The following LRP1B variants were observed in gnomAD, a reference collection of about 807,000 sequenced individuals.
LRP1B encodes LDL receptor related protein 1B, also known as low-density lipoprotein receptor-related protein 1B.
In LRP1B, 217 loss-of-function variants were observed where a neutral mutation model predicts 556.6. That is an observed-to-expected ratio of 0.39 (90% CI 0.35 to 0.44). The LOEUF is 0.44. Among genes scored for constraint, LRP1B ranks in the 20% least tolerant of loss-of-function variants. The pLI, the probability that LRP1B is intolerant of heterozygous loss-of-function variation, is 1.00. For missense variants in LRP1B, 5,053 were observed against 5,620.8 expected (o/e 0.90, Z 3.23); for synonymous variants, 2,047 against 1,865.8 (o/e 1.10, Z -2.50).
intron 21 of LRP1B, among the ~76,000 whole-genome samples, chr2:140,913,482 C>T (rs578245430): frequency 7.9e-5 from 12 of 151,858 alleles, no homozygotes; most frequent in South Asian, 4.1e-4. Context: ...GAAAATTTTA[C>T]GTAAGGAAAA....
chr2:141,209,357 A>G (rs1682444605), intron 6 of LRP1B, among the ~76,000 whole-genome samples: 1 of 152,080 alleles, frequency 6.6e-6, no homozygotes, highest in South Asian at 2.1e-4. Flanking sequence ...TGCTGCTAAC[A>G]TGTGAAGAAA....
At chr2:140,660,423 T>C (rs949353488) in intron 41 of LRP1B, among the ~76,000 whole-genome samples, 1 of 152,184 alleles carries the variant, frequency 6.6e-6, no homozygotes, top group African/African-American at 2.4e-5. Context: ...TTCACTTGCT[T>C]TATTTTCTAT....
chr2:141,463,910 C>G (rs1320828448), intron 3 of LRP1B, among the ~76,000 whole-genome samples: 3 of 148,438 alleles, frequency 2.0e-5, no homozygotes, highest in Admixed American at 6.8e-5. Flanking sequence ...CAAATTTTTT[C>G]TGATTTTGGG....
chr2:141,218,918 C>G (rs1345228421), intron 6 of LRP1B, among the ~76,000 whole-genome samples: 3 of 152,130 alleles, frequency 2.0e-5, no homozygotes, highest in Non-Finnish European at 4.4e-5. Flanking sequence ...ACTGACTAGG[C>G]AGTTAGTGTG....
chr2:141,966,144 CTATTT>C (rs1025629999), intron 1 of LRP1B, among the ~76,000 whole-genome samples: 70 of 151,938 alleles, frequency 4.6e-4, no homozygotes, highest in African/African-American at 1.6e-3. Context: ...CATCATTTCA[CTATTT>C]TATTCAGTGA....
At position 141,554,360 on chromosome 2, in the gene LRP1B, G is replaced by A. The variant is rs559575834; in HGVS notation, c.206-73827C>T. ...ATATGTATCTATAGGAATAGACATAGATATAGATTATATATCTATAGGAAT... is the reference window on the plus strand; with the variant it reads ...ATATGTATCTATAGGAATAGACATAAATATAGATTATATATCTATAGGAAT... On this transcript the variant is annotated intron_variant, in intron 2 of 90. Coordinates refer to ENST00000389484, the MANE Select transcript of LRP1B (RefSeq NM_018557.3). Among the ~76,000 whole-genome samples, 27 of 148,998 alleles carry A rather than the reference G, an allele frequency of 1.8e-4. 1 individual carries two copies. The highest frequency in any genetic ancestry group is 3.9e-4 in the African/African-American group (16 of 41,042).
intron 2 of LRP1B, among the ~76,000 whole-genome samples, chr2:141,589,382 G>A (rs967617497): frequency 6.6e-6 from 1 of 152,140 alleles, no homozygotes; most frequent in Non-Finnish European, 1.5e-5. Flanking sequence ...ATAAAAGTTT[G>A]TAGGTCTGTT....
At chr2:140,778,398 G>A (rs1161714338) in intron 32 of LRP1B, among the ~76,000 whole-genome samples, 1 of 152,138 alleles carries the variant, frequency 6.6e-6, no homozygotes, top group Admixed American at 6.6e-5. Flanking sequence ...GAAGATTAGA[G>A]TGTTGGAAAA....
intron 5 of LRP1B, among the ~76,000 whole-genome samples, chr2:141,238,106 A>G (rs2105310909): frequency 6.6e-6 from 1 of 152,334 alleles, no homozygotes; most frequent in East Asian, 1.9e-4. Flanking sequence ...ATTTCAGAAT[A>G]TAATTCATTC....
chr2:140,852,576 C>G (rs1416589488), intron 27 of LRP1B, among the ~76,000 whole-genome samples: 1 of 152,142 alleles, frequency 6.6e-6, no homozygotes, highest in Non-Finnish European at 1.5e-5. Flanking sequence ...AACACGTGCT[C>G]TTCTTCAAAT....
At chr2:141,838,414 C>T (rs1204877027) in intron 1 of LRP1B, among the ~76,000 whole-genome samples, 1 of 152,144 alleles carries the variant, frequency 6.6e-6, no homozygotes, top group African/African-American at 2.4e-5. Flanking sequence ...TTGCATCTCT[C>T]AGCTATTTAG....
chr2:141,204,334 T>G (rs927320064), intron 6 of LRP1B, among the ~76,000 whole-genome samples: 21 of 152,252 alleles, frequency 1.4e-4, no homozygotes, highest in African/African-American at 4.8e-4. Context: ...AGAAATTACT[T>G]CCAGGAATAA....
chr2:142,082,089 T>C (rs1262757512), intron 1 of LRP1B, among the ~76,000 whole-genome samples: 1 of 152,218 alleles, frequency 6.6e-6, no homozygotes, highest in East Asian at 1.9e-4. Flanking sequence ...CTTGAAATAA[T>C]ATTATAATTT....
At chr2:140,616,800 G>GA (rs1361405181) in intron 41 of LRP1B, among the ~76,000 whole-genome samples, 1 of 151,560 alleles carries the variant, frequency 6.6e-6, no homozygotes, top group Non-Finnish European at 1.5e-5. Flanking sequence ...ATAGTTTATG[G>GA]AAAAAAATCA....
At chr2:140,913,654 G>A (rs760645514) in intron 21 of LRP1B, among the ~76,000 whole-genome samples, 1 of 152,018 alleles carries the variant, frequency 6.6e-6, no homozygotes, top group Non-Finnish European at 1.5e-5. Flanking sequence ...TTAGGGCATA[G>A]ATAGTAGAAG....
At chr2:140,731,676 G>C (rs138498132) in intron 35 of LRP1B, among the ~76,000 whole-genome samples, 1,893 of 146,484 alleles carry the variant, frequency 0.013, 78 homozygotes, top group Admixed American at 0.075. Flanking sequence ...ACTGAGGCAG[G>C]AGAATCACTT....
intron 7 of LRP1B, among the ~76,000 whole-genome samples, chr2:141,092,444 T>C (rs774332874): frequency 1.3e-5 from 2 of 152,204 alleles, no homozygotes; most frequent in Non-Finnish European, 2.9e-5. Context: ...AATAGAAATG[T>C]TGACTATATG....
chr2:142,119,628 C>T (rs1707384649), intron 1 of LRP1B, among the ~76,000 whole-genome samples: 1 of 152,140 alleles, frequency 6.6e-6, no homozygotes, highest in Admixed American at 6.6e-5. Flanking sequence ...ATTCAATCAG[C>T]TTAACAGTAA....
At chr2:140,700,201 C>T (rs2105419281) in intron 41 of LRP1B, 49 bp downstream of exon 41, 1 of 1,455,958 alleles carries the variant, frequency 6.9e-7, no homozygotes, top group Non-Finnish European at 9.5e-7. Flanking sequence ...CTCTAGTAAT[C>T]TAAATGATAC....
Sources: gnomAD v4.1 joint callset for allele counts (sites outside exome capture counted in the v4.1 genomes callset) on GRCh38, gnomAD v4.1.1 for gene constraint, MANE v1.5 for transcripts, NCBI Gene and HGNC (gene_info 2026-07-23, HGNC 2026-07-21) for gene names.